The following PIK3R6 variants were observed in gnomAD, a reference collection of about 807,000 sequenced individuals.
The protein encoded by PIK3R6 is phosphoinositide 3-kinase regulatory subunit 6.
Under a neutral mutation model 84.9 loss-of-function variants are expected in PIK3R6, and 91 were observed. The ratio of observed to expected loss-of-function variants is 1.07; its 90% CI spans 0.90 to 1.28. The LOEUF (loss-of-function observed/expected upper bound fraction) is 1.28, where lower values mean the gene tolerates loss of function less well. Among genes scored for constraint, PIK3R6 ranks in the 50% most tolerant of loss-of-function variants. The pLI is 0.00. For missense variants in PIK3R6, 996 were observed against 985.1 expected, an observed-to-expected ratio of 1.01 and a Z score of -0.15; for synonymous variants, 416 against 411.4, an observed-to-expected ratio of 1.01 and a Z score of -0.13.
intron 5 of PIK3R6, 60 bp from the exon 6 acceptor site, chr17:8,836,983 G>T (rs1224410061): frequency 8.3e-7 from 1 of 1,198,424 alleles, no homozygotes; most frequent in Non-Finnish European, 1.2e-6. Flanking sequence ...AGGGAGGAGG[G>T]GGAGGTGAAG....
chr17:8,825,697 C>G (rs1173854207), intron 13 of PIK3R6, among the ~76,000 whole-genome samples: 1 of 152,108 alleles, frequency 6.6e-6, no homozygotes, highest in Non-Finnish European at 1.5e-5. Flanking sequence ...AAATTAACTG[C>G]AGATAGACAA....
At chr17:8,826,391 T>C (rs1448204323) in intron 13 of PIK3R6, among the ~76,000 whole-genome samples, 1 of 152,104 alleles carries the variant, frequency 6.6e-6, no homozygotes, top group Non-Finnish European at 1.5e-5. Context: ...TGCCCATCAA[T>C]GATAGACAGG....
intron 17 of PIK3R6, among the ~76,000 whole-genome samples, chr17:8,819,921 T>TTATA (rs72259680): frequency 1.5e-5 from 2 of 136,262 alleles, no homozygotes; most frequent in South Asian, 2.2e-4. Flanking sequence ...TATATATATT[T>TTATA]TATATATATA....
At chr17:8,824,266 T>C (rs1464839662) in intron 13 of PIK3R6, among the ~76,000 whole-genome samples, 1 of 152,148 alleles carries the variant, frequency 6.6e-6, no homozygotes, top group Non-Finnish European at 1.5e-5. Flanking sequence ...CGAAACTCCA[T>C]CTCAAAATAA....
chr17:8,852,271 G>C (rs2088989460), intron 1 of PIK3R6, among the ~76,000 whole-genome samples: 1 of 152,180 alleles, frequency 6.6e-6, no homozygotes. Context: ...AAATGGTTAA[G>C]ATGGTAAATT....
chr17:8,818,307 C>T (rs898657502), intron 18 of PIK3R6, among the ~76,000 whole-genome samples: 2 of 152,058 alleles, frequency 1.3e-5, no homozygotes, highest in Admixed American at 6.6e-5. Flanking sequence ...GAAGTGAAGT[C>T]CAGAGAGGCC....
rs945305602 is a variant in PIK3R6 at position 8,842,731 on chromosome 17, G to A, written c.14-3034C>T. The stretch of plus-strand genomic sequence containing the variant: ...TTGACTGGGCTATCAGGAAACTTAC[G>A]GTCAAATTGGGGCCCAGCCTCAAAA... On this transcript the variant is annotated intron_variant, in intron 2 of 19. Coordinates refer to ENST00000619866, the MANE Select transcript of PIK3R6 (RefSeq NM_001010855.4). The surrounding 1 kb of genome is among the most constrained non-coding windows in gnomAD (Gnocchi z 4.5). 1.3e-5 allele frequency among the ~76,000 whole-genome samples: 2 copies of A among 151,998 alleles called. No homozygotes were observed. The highest frequency in any genetic ancestry group is 2.4e-5 in the African/African-American group (1 of 41,384).
At chr17:8,814,912 T>C (rs2087480651) in intron 18 of PIK3R6, among the ~76,000 whole-genome samples, 1 of 149,286 alleles carries the variant, frequency 6.7e-6, no homozygotes, top group Admixed American at 6.7e-5. Context: ...ATTTATGGCT[T>C]CCAAAGAGAG....
chr17:8,857,542 G>A (rs1290923652), intron 1 of PIK3R6, among the ~76,000 whole-genome samples: 5 of 152,122 alleles, frequency 3.3e-5, no homozygotes, highest in Non-Finnish European at 5.9e-5. Flanking sequence ...GGGCAGCCTC[G>A]AAAGAAAAGA....
At chr17:8,806,785 C>A (rs1597373139) in intron 18 of PIK3R6, among the ~76,000 whole-genome samples, 1 of 152,076 alleles carries the variant, frequency 6.6e-6, no homozygotes, top group East Asian at 1.9e-4. Context: ...GACCCTTAAA[C>A]TTACTGAGCT....
At chr17:8,828,035 G>T in intron 12 of PIK3R6, 77 bp downstream of exon 12, 1 of 1,429,882 alleles carries the variant, frequency 7.0e-7, no homozygotes, top group Non-Finnish European at 9.8e-7. Context: ...GGATGTGGGG[G>T]ATGCGGGGCT....
chr17:8,817,910 T>G (rs940525929), intron 18 of PIK3R6, among the ~76,000 whole-genome samples: 8 of 140,258 alleles, frequency 5.7e-5, no homozygotes, highest in African/African-American at 1.5e-4. Flanking sequence ...GCAGAGTTGT[T>G]TTTTTTTTTT....
chr17:8,851,488 C>A (rs1244094946), intron 1 of PIK3R6, among the ~76,000 whole-genome samples: 2 of 152,138 alleles, frequency 1.3e-5, no homozygotes, highest in Non-Finnish European at 2.9e-5. Flanking sequence ...CAGAGTGAGA[C>A]TCCGTCCCAA....
At position 8,803,426 on chromosome 17, in the gene PIK3R6, G is replaced by A. The variant is rs28446092; in HGVS notation, c.2112C>T (p.Phe704=). ...DQRTFRDVVR[F]EVAPCPEPCS... ...ATGGTTCTGGGCAGGGAGCAACCTC[G>A]AATCTGTGGGTGGAGAGAGACCAGC... Residue 704 remains phenylalanine, a synonymous_variant, in exon 20 of 20, where the codon TTC becomes TTT. Coordinates refer to ENST00000619866, the MANE Select transcript of PIK3R6 (RefSeq NM_001010855.4). The surrounding 1 kb of genome is among the most constrained non-coding windows in gnomAD (Gnocchi z 5.0). 7,516 of 1,601,322 alleles carry A rather than the reference G, an allele frequency of 4.7e-3. 320 individuals are homozygous for A. In the African/African-American group the frequency reaches 0.086, roughly 18 times the overall value.
At chr17:8,821,316 G>T (rs1290227194) in intron 17 of PIK3R6, among the ~76,000 whole-genome samples, 1 of 151,992 alleles carries the variant, frequency 6.6e-6, no homozygotes, top group Non-Finnish European at 1.5e-5. Context: ...CCAGTAAAAA[G>T]TTACTAATAC....
chr17:8,860,569 C>T (rs952860602), intron 1 of PIK3R6, among the ~76,000 whole-genome samples: 7 of 152,012 alleles, frequency 4.6e-5, no homozygotes, highest in Admixed American at 2.0e-4. Context: ...TGCTCTGGCC[C>T]ATCAGTTTCC....
rs114788882 is a variant in PIK3R6, at chr17:8,807,367, G to A, written c.1996-3214C>T. On this transcript the variant is annotated intron_variant, in intron 18 of 19. Transcript: ENST00000619866. ...AAGATGAGGATCCTGAGTCTAGGGA[G>A]TTTGCAGGCCATTGACATACAAAGA... Among the ~76,000 whole-genome samples the A allele has an allele frequency of 8.5e-3, 1,292 of 152,302 alleles. 17 individuals are homozygous for A. Among genetic ancestry groups the A allele is most frequent in the African/African-American group, 0.029 (1,199 of 41,554 alleles).
At chr17:8,843,946 T>C (rs1234715709) in intron 2 of PIK3R6, among the ~76,000 whole-genome samples, 2 of 152,068 alleles carry the variant, frequency 1.3e-5, no homozygotes, top group East Asian at 3.9e-4. Context: ...TCTAAAAAGG[T>C]GCAGAAGAAG....
chr17:8,848,411 A>G (rs1159499934), intron 2 of PIK3R6, among the ~76,000 whole-genome samples: 10 of 151,574 alleles, frequency 6.6e-5, no homozygotes, highest in African/African-American at 2.4e-4. Flanking sequence ...GAAATATGTC[A>G]CGGGGCAATT....
Sources: allele counts gnomAD v4.1 joint callset (sites outside exome capture counted in the v4.1 genomes callset), GRCh38; gene constraint gnomAD v4.1.1; non-coding constraint Gnocchi (gnomAD v3.1); transcripts MANE v1.5; gene names NCBI Gene and HGNC (gene_info 2026-07-23, HGNC 2026-07-21).